The following CACHD1 variants were observed in gnomAD, a reference collection of about 807,000 sequenced individuals.
CACHD1 encodes cache domain containing 1, also known as VWFA and cache domain-containing protein 1.
CACHD1 carries 71 observed loss-of-function variants against 138.7 expected under a neutral mutation model. The observed-to-expected ratio is 0.51, with a 90% CI of 0.42 to 0.62. The LOEUF (loss-of-function observed/expected upper bound fraction) is 0.62. Among genes scored for constraint, CACHD1 ranks in the 20% least tolerant of loss-of-function variants. The probability of loss-of-function intolerance (pLI) is 0.00; values close to 1 mark genes in which losing one functional copy is unlikely to be tolerated. For missense variants in CACHD1, 1,389 were observed against 1,625.3 expected, an observed-to-expected ratio of 0.85 and a Z score of 2.50; for synonymous variants, 578 against 591.5, an observed-to-expected ratio of 0.98 and a Z score of 0.33.
intron 1 of CACHD1, among the ~76,000 whole-genome samples, chr1:64,520,719 C>T (rs891179539): frequency 2.0e-5 from 3 of 152,288 alleles, no homozygotes; most frequent in Middle Eastern, 3.4e-3. Context: ...GATTAACTTC[C>T]ACATACTCGG....
At chr1:64,657,129 TACTG>T (rs1375470683) in intron 12 of CACHD1, among the ~76,000 whole-genome samples, 1 of 152,192 alleles carries the variant, frequency 6.6e-6, no homozygotes, top group African/African-American at 2.4e-5. Context: ...CTGATAGAAG[TACTG>T]ACTATTAGAA....
chr1:64,531,901 A>G (rs2100404457), intron 1 of CACHD1, among the ~76,000 whole-genome samples: 1 of 152,330 alleles, frequency 6.6e-6, no homozygotes, highest in South Asian at 2.1e-4. Flanking sequence ...AGAAGGTATC[A>G]CTACACCGTA....
chr1:64,560,173 T>A (rs1170056984), intron 2 of CACHD1, among the ~76,000 whole-genome samples: 1 of 152,132 alleles, frequency 6.6e-6, no homozygotes, highest in Non-Finnish European at 1.5e-5. Context: ...TGACTTATTT[T>A]TTCAAAAAAT....
intron 4 of CACHD1, among the ~76,000 whole-genome samples, chr1:64,624,501 T>C (rs531368527): frequency 2.0e-5 from 3 of 152,166 alleles, no homozygotes; most frequent in Non-Finnish European, 4.4e-5. Context: ...ACAGTGCTAA[T>C]GTGAGATCAA....
intron 3 of CACHD1, among the ~76,000 whole-genome samples, chr1:64,587,707 G>A (rs997965233): frequency 6.6e-6 from 1 of 152,152 alleles, no homozygotes. Flanking sequence ...AGTTTTGAGA[G>A]TGGGCTCATT....
At chr1:64,686,960 C>A (rs759542038) in intron 26 of CACHD1, among the ~76,000 whole-genome samples, 15 of 152,094 alleles carry the variant, frequency 9.9e-5, no homozygotes, top group Non-Finnish European at 2.1e-4. Context: ...GGACGTCACA[C>A]CCCTTATAAT....
At chr1:64,496,752 G>C (rs1646308320) in intron 1 of CACHD1, among the ~76,000 whole-genome samples, 1 of 151,740 alleles carries the variant, frequency 6.6e-6, no homozygotes, top group African/African-American at 2.4e-5. Flanking sequence ...CTTTATTTAT[G>C]GGTCAATTTA....
At chr1:64,592,472 A>G (rs1168495291) in intron 3 of CACHD1, among the ~76,000 whole-genome samples, 1 of 152,228 alleles carries the variant, frequency 6.6e-6, no homozygotes, top group Non-Finnish European at 1.5e-5. Flanking sequence ...GAGATTATGA[A>G]CAAAGGCCTC....
At chr1:64,670,020 T>C (rs1462450450) in intron 16 of CACHD1, among the ~76,000 whole-genome samples, 1 of 152,240 alleles carries the variant, frequency 6.6e-6, no homozygotes, top group East Asian at 1.9e-4. Context: ...CTATGATTCC[T>C]TTATGGCTTT....
chr1:64,525,474 G>A (rs1032042434), intron 1 of CACHD1, among the ~76,000 whole-genome samples: 2 of 152,122 alleles, frequency 1.3e-5, no homozygotes, highest in African/African-American at 4.8e-5. Context: ...TGACATGCTG[G>A]TTCTCAAGGC....
intron 1 of CACHD1, among the ~76,000 whole-genome samples, chr1:64,544,999 G>T (rs1032568968): frequency 1.3e-5 from 2 of 152,104 alleles, no homozygotes; most frequent in African/African-American, 4.8e-5. Flanking sequence ...TCTGTGAATT[G>T]CTAGGTGACT....
At chr1:64,488,551 G>A (rs888413974) in intron 1 of CACHD1, among the ~76,000 whole-genome samples, 4 of 152,138 alleles carry the variant, frequency 2.6e-5, no homozygotes, top group African/African-American at 9.7e-5. Context: ...AATACACATT[G>A]TGCATACAGC....
intron 1 of CACHD1, among the ~76,000 whole-genome samples, chr1:64,474,818 A>G (rs569195948): frequency 1.3e-5 from 2 of 152,372 alleles, no homozygotes; most frequent in East Asian, 1.9e-4. Flanking sequence ...GCACAAGGCC[A>G]GTGTGCCTGC....
Position 64,652,243 on chromosome 1 carries a change from C to T in CACHD1, c.1473C>T (p.Tyr491=). The change falls in exon 10 of 27, where the codon TAC becomes TAT. Residue 491 remains tyrosine (Y), a synonymous_variant. Transcript: ENST00000651257. ...GIVGVDVNLA[Y]ILEDVTYYQD... ...TAGGTGTGGACGTGAATCTGGCTTACATTCTTGAAGACGTGACGTATTACC... is the reference window on the plus strand; with the variant it reads ...TAGGTGTGGACGTGAATCTGGCTTATATTCTTGAAGACGTGACGTATTACC... 4 of 1,613,886 alleles carry T rather than the reference C, an allele frequency of 2.5e-6. No individual in the cohort carries two copies. Among genetic ancestry groups the T allele is most frequent in the Non-Finnish European group, 3.4e-6 (4 of 1,179,834 alleles).
chr1:64,662,066 A>C (rs1557545047), intron 13 of CACHD1, among the ~76,000 whole-genome samples: 1 of 152,218 alleles, frequency 6.6e-6, no homozygotes, highest in Non-Finnish European at 1.5e-5. Context: ...CATGTCTACC[A>C]ATCCAGAAGA....
Position 64,650,556 on chromosome 1 carries a change from C to T in CACHD1, c.1391-1605C>T, listed in dbSNP as rs527554820. On this transcript the variant is annotated intron_variant, in intron 9 of 26. Transcript: ENST00000651257. ...TGCTTTTGAGACCAAAATAGAGACC[C>T]GTTGCATGACTTTTCAGATGCTTTT... Among the ~76,000 whole-genome samples, 9 of 152,270 alleles carry T rather than the reference C, an allele frequency of 5.9e-5. No individual in the cohort carries two copies. In the East Asian group the frequency reaches 1.2e-3, roughly 20 times the overall value.
At chr1:64,662,481 G>A (rs557416089) in intron 13 of CACHD1, among the ~76,000 whole-genome samples, 2 of 152,270 alleles carry the variant, frequency 1.3e-5, no homozygotes, top group East Asian at 3.9e-4. Flanking sequence ...CATCTTCTTA[G>A]GCCTCAAGCT....
At position 64,470,911 on chromosome 1, in the gene CACHD1, C is replaced by A. The variant is rs572493829; in HGVS notation, c.167C>A (p.Ala56Glu). 9 of 1,607,240 alleles carry A rather than the reference C, an allele frequency of 5.6e-6. No individual in the cohort carries two copies. In the African/African-American group the frequency reaches 1.2e-4, roughly 21 times the overall value. The change falls in exon 1 of 27, where the codon GCG becomes GAG. Residue 56 changes from alanine (A) to glutamate (E), a missense_variant. By Grantham distance (107) the Ala-to-Glu change is moderately radical. This residue lies in a region of CACHD1 where 1,000 missense variants were observed against 1,114.7 expected (regional missense o/e 0.90). Coordinates refer to ENST00000651257, the MANE Select transcript of CACHD1 (RefSeq NM_020925.4). The surrounding 1 kb of genome is among the most constrained non-coding windows in gnomAD (Gnocchi z 5.2). The stretch of plus-strand genomic sequence containing the variant: ...CTGGCGAGCCAGATGCGGAGGCTGG[C>A]GGCCGAGGAGCTGGGGGTCGTCACC... Reference protein sequence around the residue: ...QVLASQMRRLAAEELGVVTMQ... With the variant: ...QVLASQMRRLEAEELGVVTMQ...
At chr1:64,623,768 A>G (rs928855268) in intron 4 of CACHD1, among the ~76,000 whole-genome samples, 9 of 152,166 alleles carry the variant, frequency 5.9e-5, no homozygotes, top group Non-Finnish European at 7.4e-5. Context: ...CCTCCTGCAC[A>G]TGTGTCTGTC....
Sources: allele counts gnomAD v4.1 joint callset (sites outside exome capture counted in the v4.1 genomes callset), GRCh38; gene constraint gnomAD v4.1.1; regional missense constraint gnomAD v4.1.1; non-coding constraint Gnocchi (gnomAD v3.1); transcripts MANE v1.5; gene names NCBI Gene and HGNC (gene_info 2026-07-23, HGNC 2026-07-21).